MCFD2: variants seen among roughly 807,000 people sequenced by gnomAD.
MCFD2 encodes multiple coagulation factor deficiency 2, ER cargo receptor complex subunit.
Under a neutral mutation model 12.8 loss-of-function variants are expected in MCFD2, and 11 were observed. The ratio of observed to expected loss-of-function variants is 0.86; its 90% CI spans 0.54 to 1.42. The LOEUF (loss-of-function observed/expected upper bound fraction) is 1.42. Ranked by LOEUF, MCFD2 falls within the 40% of genes most tolerant of loss-of-function variation. The pLI, the probability that MCFD2 is intolerant of heterozygous loss-of-function variation, is 0.00. For missense variants in MCFD2, 191 were observed against 178.6 expected, an observed-to-expected ratio of 1.07 and a Z score of -0.40; for synonymous variants, 70 against 68.1, an observed-to-expected ratio of 1.03 and a Z score of -0.14.
intron 1 of MCFD2, among the ~76,000 whole-genome samples, chr2:46,929,490 C>CAAAA (rs758033549): frequency 5.3e-5 from 8 of 152,000 alleles, no homozygotes; most frequent in Non-Finnish European, 7.4e-5. Flanking sequence ...TCTCAAAATA[C>CAAAA]ATAAATAAAT....
At chr2:46,931,528 T>C (rs2103842350) in intron 1 of MCFD2, among the ~76,000 whole-genome samples, 1 of 148,254 alleles carries the variant, frequency 6.7e-6, no homozygotes, top group South Asian at 2.1e-4. Context: ...AGGGTCAGAG[T>C]CAGAGTAGAG....
intron 1 of MCFD2, among the ~76,000 whole-genome samples, chr2:46,927,444 C>T (rs1669448471): frequency 6.6e-6 from 1 of 150,764 alleles, no homozygotes; most frequent in Non-Finnish European, 1.5e-5. Context: ...GCAGGCTCCA[C>T]CTCCCGGGTT....
intron 1 of MCFD2, among the ~76,000 whole-genome samples, chr2:46,926,160 C>T (rs1361333603): frequency 6.6e-6 from 1 of 152,186 alleles, no homozygotes; most frequent in Non-Finnish European, 1.5e-5. Context: ...GAATCTCCTC[C>T]CACACAGAGC....
chr2:46,915,804 T>TGGGGGGGGGGGGGGGGGGGGGGGGC lies in MCFD2; in HGVS notation c.-89_-88insGCCCCCCCCCCCCCCCCCCCCCCCC. On this transcript the variant is annotated 5_prime_UTR_variant, in exon 1 of 4. Transcript: ENST00000319466. ...GTCCCCAAAACGCTCTTCCTCGGCT[T>TGGGGGGGGGGGGGGGGGGGGGGGGC]CGCCCCGCCCCCCCCCCCCCCCCGA... 2 of 568,430 alleles carry TGGGGGGGGGGGGGGGGGGGGGGGGC rather than the reference T, an allele frequency of 3.5e-6. No individual in the cohort carries two copies. The highest frequency in any genetic ancestry group is 3.9e-6 in the Non-Finnish European group (2 of 510,736). The allele number at this position is 568,430 out of a possible 1,614,324, so 35.2% of individuals were successfully genotyped here.
chr2:46,926,142 C>T (rs1669371919), intron 1 of MCFD2, among the ~76,000 whole-genome samples: 1 of 152,194 alleles, frequency 6.6e-6, no homozygotes, highest in South Asian at 2.1e-4. Context: ...AGCATTCCCT[C>T]CACAGAAGAA....
intron 1 of MCFD2, among the ~76,000 whole-genome samples, chr2:46,921,143 C>G (rs1669082872): frequency 6.6e-6 from 1 of 152,096 alleles, no homozygotes; most frequent in South Asian, 2.1e-4. Flanking sequence ...ATTGAAAGTG[C>G]TTTAGTATAT....
At chr2:46,924,634 T>C (rs7593181) in intron 1 of MCFD2, among the ~76,000 whole-genome samples, 28,168 of 152,124 alleles carry the variant, frequency 0.19, 2,717 homozygotes, top group Middle Eastern at 0.21. Context: ...TTCTTTTTTT[T>C]TTTTCCCCTG....
upstream of MCFD2, chr2:46,915,833 G>A (rs1413300029): frequency 2.9e-6 from 1 of 340,774 alleles, no homozygotes; most frequent in Non-Finnish European, 3.6e-6. Flanking sequence ...CCCCCGACCT[G>A]CCCTGCGCAC....
intron 1 of MCFD2, among the ~76,000 whole-genome samples, chr2:46,923,613 C>T (rs1572637159): frequency 6.6e-6 from 1 of 152,154 alleles, no homozygotes; most frequent in Admixed American, 6.5e-5. Flanking sequence ...CAGAATTGAC[C>T]AGGTGTGATG....
At chr2:46,909,878 C>T (rs909858890) in intron 1 of MCFD2, among the ~76,000 whole-genome samples, 5 of 152,170 alleles carry the variant, frequency 3.3e-5, no homozygotes, top group African/African-American at 2.4e-5. Flanking sequence ...ACTTACAATT[C>T]ATGAATGGGA....
At chr2:46,934,806 T>C (rs1285619015) in intron 1 of MCFD2, among the ~76,000 whole-genome samples, 2 of 126,828 alleles carry the variant, frequency 1.6e-5, no homozygotes, top group Non-Finnish European at 3.3e-5. Flanking sequence ...TTTTTTTTTT[T>C]TTTTTTTTTT....
chr2:46,908,950 GC>G lies in MCFD2; in HGVS notation c.149+72del, dbSNP rs1295219037. On this transcript the variant is annotated intron_variant, in intron 2 of 3. Transcript: ENST00000319466. This position sits in a 1 kb window ranked among gnomAD's most constrained non-coding sequence, Gnocchi z 4.5. ...ACAGGAAGAAGGAAAGGAGGACTGA[GC>G]ATGCCCTTGCCGCTGGCTCAGCTGC... 6.3e-7 allele frequency: 1 copy of G among 1,584,590 alleles called. No homozygotes were observed. The highest frequency in any genetic ancestry group is 8.7e-7 in the Non-Finnish European group (1 of 1,153,286).
chr2:46,925,813 T>A (rs1669356034), intron 1 of MCFD2, among the ~76,000 whole-genome samples: 1 of 152,218 alleles, frequency 6.6e-6, no homozygotes, highest in Non-Finnish European at 1.5e-5. Context: ...AAAAATAAAG[T>A]GGCTTTTGTG....
At chr2:46,920,060 C>T (rs1368200144), upstream of MCFD2, among the ~76,000 whole-genome samples, 1 of 152,130 alleles carries the variant, frequency 6.6e-6, no homozygotes, top group Non-Finnish European at 1.5e-5. Flanking sequence ...ATATGATGGC[C>T]ATCTGCATTT....
chr2:46,924,866 A>G (rs752829947), intron 1 of MCFD2, among the ~76,000 whole-genome samples: 2 of 152,222 alleles, frequency 1.3e-5, no homozygotes, highest in African/African-American at 4.8e-5. Flanking sequence ...GGCTCAAGCA[A>G]TCTGCCTGCC....
At chr2:46,931,707 T>C (rs1390347810) in intron 1 of MCFD2, among the ~76,000 whole-genome samples, 3 of 151,472 alleles carry the variant, frequency 2.0e-5, no homozygotes, top group Non-Finnish European at 4.4e-5. Flanking sequence ...AATAAATAAA[T>C]AAATAAATAA....
In MCFD2 at chr2:46,941,021, G is replaced by A. The variant is rs540155624; in HGVS notation, c.-8+551C>T. On this transcript the variant is annotated intron_variant, in intron 1 of 2. Transcript: ENST00000409147. This position sits in a 1 kb window ranked among gnomAD's most constrained non-coding sequence, Gnocchi z 4.2. ...CGCCGGGGCTCCGCGCGGGATTAAA[G>A]TGAGCTCCGACTCCGCGGCGGGGGC... Among the ~76,000 whole-genome samples the A allele has an allele frequency of 2.4e-4, 37 of 151,192 alleles. No individual in the cohort carries two copies. The highest frequency in any genetic ancestry group is 8.6e-4 in the African/African-American group (35 of 40,832).
chr2:46,934,111 A>G (rs1669846176), intron 1 of MCFD2, among the ~76,000 whole-genome samples: 1 of 151,736 alleles, frequency 6.6e-6, no homozygotes, highest in African/African-American at 2.4e-5. Context: ...GTCAGTACAC[A>G]GGAAGAACAG....
chr2:46,907,786 C>T lies in MCFD2; in HGVS notation c.309+24G>A. 2 of 1,612,602 alleles carry T rather than the reference C, an allele frequency of 1.2e-6. No homozygotes were observed. The highest frequency in any genetic ancestry group is 1.7e-6 in the Non-Finnish European group (2 of 1,178,892). Reference sequence around the variant, plus strand: ...AAGGGAAGCCTTTCTGTGATACAGTCCCCCAAGCCACTGCCAGACCTACCT... The same window carrying T: ...AAGGGAAGCCTTTCTGTGATACAGTTCCCCAAGCCACTGCCAGACCTACCT... On this transcript the variant is annotated intron_variant, in intron 3 of 3. Transcript: ENST00000319466. The surrounding 1 kb of genome is among the most constrained non-coding windows in gnomAD (Gnocchi z 4.1).
Sources: allele counts gnomAD v4.1 joint callset (sites outside exome capture counted in the v4.1 genomes callset), GRCh38; gene constraint gnomAD v4.1.1; non-coding constraint Gnocchi (gnomAD v3.1); transcripts MANE v1.5; gene names NCBI Gene and HGNC (gene_info 2026-07-23, HGNC 2026-07-21).